The following SLC35F1 variants were observed in gnomAD, a reference collection of about 807,000 sequenced individuals.
The protein encoded by SLC35F1 is solute carrier family 35 member F1.
In SLC35F1, 14 loss-of-function variants were observed where a neutral mutation model predicts 48.7. The observed-to-expected ratio is 0.29, with a 90% CI of 0.19 to 0.45. The LOEUF (loss-of-function observed/expected upper bound fraction) is 0.45. SLC35F1 is among the 20% of genes least tolerant of loss of function. The pLI, the probability that SLC35F1 is intolerant of heterozygous loss-of-function variation, is 1.00. For missense variants in SLC35F1, 404 were observed against 500.0 expected (o/e 0.81, Z 1.83); for synonymous variants, 190 against 202.2 (o/e 0.94, Z 0.51).
At chr6:118,269,594 C>G (rs1775825119) in intron 4 of SLC35F1, among the ~76,000 whole-genome samples, 1 of 152,002 alleles carries the variant, frequency 6.6e-6, no homozygotes, top group African/African-American at 2.4e-5. Flanking sequence ...TCAATAGAAT[C>G]CTAAAATTGT....
At chr6:118,111,346 G>C (rs186428805) in intron 1 of SLC35F1, among the ~76,000 whole-genome samples, 2 of 152,212 alleles carry the variant, frequency 1.3e-5, no homozygotes, top group East Asian at 3.9e-4. Context: ...GAAGTCAGAG[G>C]GGTTAGGAGA....
At chr6:117,964,074 G>T (rs966410804) in intron 1 of SLC35F1, among the ~76,000 whole-genome samples, 2 of 152,194 alleles carry the variant, frequency 1.3e-5, no homozygotes, top group Non-Finnish European at 2.9e-5. Flanking sequence ...AACATGCAGT[G>T]TTTGGTTTTC....
At chr6:118,260,649 G>A (rs1775701007) in intron 3 of SLC35F1, among the ~76,000 whole-genome samples, 1 of 152,146 alleles carries the variant, frequency 6.6e-6, no homozygotes, top group South Asian at 2.1e-4. Context: ...AGGGAAGAAA[G>A]AAAGGATATC....
At chr6:118,221,023 T>C (rs555204937) in intron 2 of SLC35F1, among the ~76,000 whole-genome samples, 33 of 152,306 alleles carry the variant, frequency 2.2e-4, no homozygotes, top group African/African-American at 7.9e-4. Flanking sequence ...TGGCATCTTT[T>C]CCTCTCCTGG....
At chr6:118,241,257 CTT>C (rs1775437071) in intron 3 of SLC35F1, among the ~76,000 whole-genome samples, 1 of 152,196 alleles carries the variant, frequency 6.6e-6, no homozygotes, top group Admixed American at 6.5e-5. Context: ...ACCAAATGCT[CTT>C]GTTTTCAGAT....
rs571864354 is a variant in SLC35F1, at chr6:117,922,872, A to G, written c.173+14973A>G. 9.8e-5 allele frequency among the ~76,000 whole-genome samples: 15 copies of G among 152,304 alleles called. No individual in the cohort carries two copies. The South Asian group carries it at 2.7e-3, about 27-fold the overall frequency. On this transcript the variant is annotated intron_variant, in intron 1 of 7. Coordinates refer to ENST00000360388, the MANE Select transcript of SLC35F1 (RefSeq NM_001029858.4). Reference sequence around the variant, plus strand: ...ACCAGCAGCCACTTTATGACCATGAAGTTGGGGTTTTACAGGGGAGCAAAT... The same window carrying G: ...ACCAGCAGCCACTTTATGACCATGAGGTTGGGGTTTTACAGGGGAGCAAAT...
intron 1 of SLC35F1, among the ~76,000 whole-genome samples, chr6:117,947,246 T>C (rs1041301213): frequency 6.6e-6 from 1 of 152,050 alleles, no homozygotes; most frequent in African/African-American, 2.4e-5. Flanking sequence ...GAACCAGAAA[T>C]GCAAATGCCT....
intron 2 of SLC35F1, among the ~76,000 whole-genome samples, chr6:118,191,183 T>C (rs183576560): frequency 4.6e-5 from 7 of 152,286 alleles, no homozygotes; most frequent in Admixed American, 4.6e-4. Context: ...TTCTTACTGA[T>C]TATGCGGCGA....
chr6:118,020,513 T>C (rs1254933211), intron 1 of SLC35F1, among the ~76,000 whole-genome samples: 1 of 152,176 alleles, frequency 6.6e-6, no homozygotes, highest in Non-Finnish European at 1.5e-5. Flanking sequence ...AAGTGTTTGA[T>C]TGGAAAGTGA....
intron 1 of SLC35F1, among the ~76,000 whole-genome samples, chr6:117,909,695 A>G (rs1488117744): frequency 6.6e-6 from 1 of 152,256 alleles, no homozygotes. Context: ...TTGGAAAAGT[A>G]TAAAGATCTA....
At chr6:118,119,511 C>T (rs1215019936) in intron 1 of SLC35F1, among the ~76,000 whole-genome samples, 1 of 115,258 alleles carries the variant, frequency 8.7e-6, no homozygotes, top group Admixed American at 9.6e-5. Context: ...CTCCACCCCG[C>T]TTTTTTTTTT....
chr6:118,194,854 A>G (rs77135415), intron 2 of SLC35F1, among the ~76,000 whole-genome samples: 3,128 of 152,162 alleles, frequency 0.021, 106 homozygotes, highest in African/African-American at 0.071. Flanking sequence ...TTGCCACACT[A>G]TAGCCCTGGA....
intron 1 of SLC35F1, among the ~76,000 whole-genome samples, chr6:117,996,008 C>T (rs1187946201): frequency 6.6e-6 from 1 of 152,088 alleles, no homozygotes; most frequent in African/African-American, 2.4e-5. Flanking sequence ...TGCCATTTCC[C>T]ATCTTTGTGG....
intron 2 of SLC35F1, among the ~76,000 whole-genome samples, chr6:118,166,250 A>G (rs891560091): frequency 3.3e-5 from 5 of 152,292 alleles, no homozygotes; most frequent in East Asian, 3.9e-4. Context: ...AGTGGCCACT[A>G]GGGTATCATT....
intron 1 of SLC35F1, among the ~76,000 whole-genome samples, chr6:118,096,637 A>G (rs1773180455): frequency 6.6e-6 from 1 of 152,098 alleles, no homozygotes; most frequent in Non-Finnish European, 1.5e-5. Context: ...ATCACACTTC[A>G]TCTCTTGTTC....
chr6:118,181,779 G>T (rs1043644825), intron 2 of SLC35F1, among the ~76,000 whole-genome samples: 1 of 152,032 alleles, frequency 6.6e-6, no homozygotes, highest in Non-Finnish European at 1.5e-5. Context: ...ACTCCAAAAA[G>T]AGAGCTACTT....
chr6:118,060,817 A>G (rs1297385140), intron 1 of SLC35F1, among the ~76,000 whole-genome samples: 1 of 152,176 alleles, frequency 6.6e-6, no homozygotes, highest in East Asian at 1.9e-4. Context: ...GCTCTTTTAC[A>G]CGTTCTACAG....
chr6:118,000,725 T>G (rs1777079156), intron 1 of SLC35F1, among the ~76,000 whole-genome samples: 1 of 152,200 alleles, frequency 6.6e-6, no homozygotes, highest in Non-Finnish European at 1.5e-5. Context: ...AAAATCTCCT[T>G]AAGCTGATAA....
chr6:117,935,908 G>A (rs1776157275), intron 1 of SLC35F1, among the ~76,000 whole-genome samples: 1 of 152,156 alleles, frequency 6.6e-6, no homozygotes, highest in African/African-American at 2.4e-5. Context: ...TAGCAAGTAA[G>A]CAACTTCACA....
Sources: gnomAD v4.1 joint callset for allele counts (sites outside exome capture counted in the v4.1 genomes callset) on GRCh38, gnomAD v4.1.1 for gene constraint, MANE v1.5 for transcripts, NCBI Gene and HGNC (gene_info 2026-07-23, HGNC 2026-07-21) for gene names.